The following OR2G6 variants were observed in gnomAD, a reference collection of about 807,000 sequenced individuals.
OR2G6 encodes olfactory receptor family 2 subfamily G member 6, also known as olfactory receptor 2G6.
For missense variants in OR2G6, 457 were observed against 391.3 expected, an observed-to-expected ratio of 1.17 and a Z score of -1.42; for synonymous variants, 183 against 155.2, an observed-to-expected ratio of 1.18 and a Z score of -1.33.
chr1:248,522,387 G>A lies in OR2G6; in HGVS notation c.741G>A (p.Val247=). ...AFGTCSSHLV[V]VIIFYGTIIF... ...GGACCTGTTCGTCTCACCTGGTTGT[G>A]GTCATCATTTTCTATGGGACCATCA... Residue 247 remains valine, a synonymous_variant, in exon 2 of 2, where the codon GTG becomes GTA. Coordinates refer to ENST00000641804, the MANE Select transcript of OR2G6 (RefSeq NM_001013355.2). 6.2e-7 allele frequency: 1 copy of A among 1,614,100 alleles called. No homozygotes were observed. The highest frequency in any genetic ancestry group is 8.5e-7 in the Non-Finnish European group (1 of 1,179,994).
Position 248,522,213 on chromosome 1 carries a change from T to C in OR2G6, c.567T>C (p.Cys189=). 1 of 1,614,192 alleles carries C rather than the reference T, an allele frequency of 6.2e-7. No individual in the cohort carries two copies. The highest frequency in any genetic ancestry group is 8.5e-7 in the Non-Finnish European group (1 of 1,180,036). Residue 189 remains cysteine (C), a synonymous_variant, in exon 2 of 2, where the codon TGT becomes TGC. Transcript: ENST00000641804. ...TGCCAGTGCTCATCAAACTGGCCTG[T>C]GTGGATACGACTTTCAACGAGGCAG... ...CEVPVLIKLA[C]VDTTFNEAEL...
In OR2G6 at chr1:248,523,321, G is replaced by A. The variant is rs2103062797; in HGVS notation, c.*724G>A. On this transcript the variant is annotated 3_prime_UTR_variant, in exon 2 of 2. Transcript: ENST00000641804. ...AGAGTTGTGATGCTTTGGTTCCACA[G>A]AATTGTGGGATGCAAATAATGACTA... is the stretch of plus-strand genomic sequence containing the variant. The A allele has an allele frequency of 6.6e-6, 1 of 152,162 alleles. No homozygotes were observed. Among genetic ancestry groups the A allele is most frequent in the South Asian group, 2.1e-4 (1 of 4,822 alleles). 9.4% of individuals were successfully genotyped at this position (152,162 alleles called of 1,614,324 possible). A position where few individuals can be genotyped will look rare whatever the true frequency, so the allele number is the denominator to read the frequency against.
chr1:248,520,791 C>G (rs1664265501), intron 1 of OR2G6, among the ~76,000 whole-genome samples: 1 of 151,330 alleles, frequency 6.6e-6, no homozygotes. Flanking sequence ...GTTAGGTCAC[C>G]TGAGGTCAGG....
In OR2G6 at chr1:248,522,875, A is replaced by G. The variant is rs1212765258; in HGVS notation, c.*278A>G. On this transcript the variant is annotated 3_prime_UTR_variant, in exon 2 of 2. Coordinates refer to ENST00000641804, the MANE Select transcript of OR2G6 (RefSeq NM_001013355.2). ...CATCCTCCCAGACATTCCTCTTGTC[A>G]ATCCAAGACCCTGTGTTCTATCTGG... 6 of 375,410 alleles carry G rather than the reference A, an allele frequency of 1.6e-5. No individual in the cohort carries two copies. Among genetic ancestry groups the G allele is most frequent in the Middle Eastern group, 1.4e-3 (2 of 1,442 alleles). The allele number at this position is 375,410 out of a possible 1,614,324, so 23.3% of individuals were successfully genotyped here. A position where few individuals can be genotyped will look rare whatever the true frequency, so the allele number is the denominator to read the frequency against.
rs1461019420 is a variant in OR2G6 at position 248,524,923 on chromosome 1, ACTT to A, written c.*2327_*2329del. The A allele has an allele frequency of 1.3e-5, 2 of 152,186 alleles. No homozygotes were observed. Among genetic ancestry groups the A allele is most frequent in the African/African-American group, 2.4e-5 (1 of 41,452 alleles). The allele number at this position is 152,186 out of a possible 1,614,324, so 9.4% of individuals were successfully genotyped here. On this transcript the variant is annotated 3_prime_UTR_variant, in exon 2 of 2. Transcript: ENST00000641804. The stretch of plus-strand genomic sequence containing the variant: ...ATAGGCAAAGCAACCTAAAAAAACT[ACTT>A]AACTGCAGATGAAAATGGGAACACA...
intron 1 of OR2G6, among the ~76,000 whole-genome samples, chr1:248,519,291 G>T (rs1340009492): frequency 7.8e-6 from 1 of 128,778 alleles, no homozygotes; most frequent in African/African-American, 3.0e-5. Context: ...TAGCTTGCCT[G>T]TTCACTATGA....
At position 248,525,876 on chromosome 1, in the gene OR2G6, G is replaced by A. The variant is rs1443917003; in HGVS notation, c.*3279G>A. Reference sequence around the variant, plus strand: ...TAAAAAAAATACAAAAAATTAGCCAGGCACAGTGGTGCATGCCTATAATCC... The same window carrying A: ...TAAAAAAAATACAAAAAATTAGCCAAGCACAGTGGTGCATGCCTATAATCC... On this transcript the variant is annotated 3_prime_UTR_variant, in exon 2 of 2. Transcript: ENST00000641804. The A allele has an allele frequency of 6.6e-6, 1 of 152,042 alleles. No homozygotes were observed. Among genetic ancestry groups the A allele is most frequent in the Admixed American group, 6.6e-5 (1 of 15,236 alleles). The allele number at this position is 152,042 out of a possible 1,614,324, so 9.4% of individuals were successfully genotyped here.
chr1:248,523,079 G>T lies in OR2G6; in HGVS notation c.*482G>T. ...TTCTCATCCTTGTGCAGAATTAACT[G>T]TTTCATAATATGTTTCCATAGCACT... On this transcript the variant is annotated 3_prime_UTR_variant, in exon 2 of 2. Coordinates refer to ENST00000641804, the MANE Select transcript of OR2G6 (RefSeq NM_001013355.2). The T allele has an allele frequency of 6.3e-6, 1 of 157,840 alleles. No homozygotes were observed. The highest frequency in any genetic ancestry group is 1.4e-5 in the Non-Finnish European group (1 of 71,724). The allele number at this position is 157,840 out of a possible 1,614,324, so 9.8% of individuals were successfully genotyped here. A position where few individuals can be genotyped will look rare whatever the true frequency, so the allele number is the denominator to read the frequency against.
rs1341004068 is a variant in OR2G6 at position 248,523,652 on chromosome 1, A to C, written c.*1055A>C. On this transcript the variant is annotated 3_prime_UTR_variant, in exon 2 of 2. Transcript: ENST00000641804. Reference sequence around the variant, plus strand: ...TAAATGTATTCTTATATTTGACCAAACTTTTACTTTCTGATTTAATTCTGT... The same window carrying C: ...TAAATGTATTCTTATATTTGACCAACCTTTTACTTTCTGATTTAATTCTGT... 1 of 140,556 alleles carries C rather than the reference A, an allele frequency of 7.1e-6. No individual in the cohort carries two copies. The highest frequency in any genetic ancestry group is 1.5e-5 in the Non-Finnish European group (1 of 65,022). 8.7% of individuals were successfully genotyped at this position (140,556 alleles called of 1,614,324 possible). A position where few individuals can be genotyped will look rare whatever the true frequency, so the allele number is the denominator to read the frequency against.
In OR2G6 at chr1:248,522,755, T is replaced by G. The variant is rs72478210; in HGVS notation, c.*158T>G. The stretch of plus-strand genomic sequence containing the variant: ...CTCAAGGCAGCGTGAGGATTCATCC[T>G]CCCCAGACATTCCTCTTGTCAATCC... On this transcript the variant is annotated 3_prime_UTR_variant, in exon 2 of 2. Transcript: ENST00000641804. The G allele has an allele frequency of 1.7e-4, 99 of 587,164 alleles. No individual in the cohort carries two copies. In the East Asian group the frequency reaches 2.7e-3, roughly 16 times the overall value. The allele number at this position is 587,164 out of a possible 1,614,324, so 36.4% of individuals were successfully genotyped here.
In OR2G6 at chr1:248,521,988, C is replaced by A. The variant is rs372849263; in HGVS notation, c.342C>A (p.Leu114=). ...AMGLGSSECI[L]LAVMAYDRYA... ...GGTTGGGCTCGTCTGAGTGTATTCT[C>A]TTGGCCGTCATGGCTTATGACCGCT... Residue 114 remains leucine, a synonymous_variant, in exon 2 of 2, where the codon CTC becomes CTA. Transcript: ENST00000641804. 161 of 1,614,040 alleles carry A rather than the reference C, an allele frequency of 1.0e-4. No homozygotes were observed. The highest frequency in any genetic ancestry group is 1.3e-4 in the Non-Finnish European group (148 of 1,180,018).
At chr1:248,520,387 C>T (rs1049009184) in intron 1 of OR2G6, among the ~76,000 whole-genome samples, 15 of 152,108 alleles carry the variant, frequency 9.9e-5, no homozygotes, top group South Asian at 6.2e-4. Context: ...GTAACGTGCA[C>T]GTTCTGCACA....
At chr1:248,521,040 T>TTA (rs1448875638) in intron 1 of OR2G6, among the ~76,000 whole-genome samples, 8 of 83,944 alleles carry the variant, frequency 9.5e-5, no homozygotes, top group African/African-American at 1.8e-4. Context: ...AGATTCCATC[T>TTA]AAAAAAAAAA....
At chr1:248,521,040 T>TAA (rs56891856) in intron 1 of OR2G6, among the ~76,000 whole-genome samples, 1,933 of 83,852 alleles carry the variant, frequency 0.023, 86 homozygotes, top group African/African-American at 0.051. Context: ...AGATTCCATC[T>TAA]AAAAAAAAAA....
Position 248,522,346 on chromosome 1 carries a change from C to T in OR2G6, c.700C>T (p.Arg234Cys), listed in dbSNP as rs148015416. ...GTTAAGGATAAAATCAGCTGCGGGC[C>T]GCCAAAAGGCCTTTGGGACCTGTTC... ...AVLRIKSAAGRQKAFGTCSSH... is the reference protein window; with the variant it reads ...AVLRIKSAAGCQKAFGTCSSH... Residue 234 changes from arginine to cysteine, a missense_variant, in exon 2 of 2, where the codon CGC becomes TGC. Arg to Cys is a radical substitution (Grantham distance 180). Coordinates refer to ENST00000641804, the MANE Select transcript of OR2G6 (RefSeq NM_001013355.2). The T allele has an allele frequency of 6.2e-6, 10 of 1,614,006 alleles. No homozygotes were observed. The highest frequency in any genetic ancestry group is 1.7e-5 in the Admixed American group (1 of 59,988).
rs1659131483 is a variant in OR2G6 at position 248,526,735 on chromosome 1, T to A, written c.*4138T>A. 6.6e-6 allele frequency: 1 copy of A among 152,240 alleles called. No homozygotes were observed. Among genetic ancestry groups the A allele is most frequent in the Non-Finnish European group, 1.5e-5 (1 of 68,046 alleles). The allele number at this position is 152,240 out of a possible 1,614,324, so 9.4% of individuals were successfully genotyped here. A position where few individuals can be genotyped will look rare whatever the true frequency, so the allele number is the denominator to read the frequency against. ...ATCTCATTGTGGTTTTGATTTGCAT[T>A]TCTCTGATGGCCAGTGATAATGAGC... On this transcript the variant is annotated 3_prime_UTR_variant, in exon 2 of 2. Coordinates refer to ENST00000641804, the MANE Select transcript of OR2G6 (RefSeq NM_001013355.2).
At position 248,526,651 on chromosome 1, in the gene OR2G6, A is replaced by G. The variant is rs1015231967; in HGVS notation, c.*4054A>G. 6.6e-6 allele frequency: 1 copy of G among 152,200 alleles called. No individual in the cohort carries two copies. Among genetic ancestry groups the G allele is most frequent in the Non-Finnish European group, 1.5e-5 (1 of 68,024 alleles). The allele number at this position is 152,200 out of a possible 1,614,324, so 9.4% of individuals were successfully genotyped here. ...ATATGCCCAGAGCTCTCTGTTCACC[A>G]TAACCTGATCTCAGTAGTAACTATT... is the stretch of plus-strand genomic sequence containing the variant. On this transcript the variant is annotated 3_prime_UTR_variant, in exon 2 of 2. Transcript: ENST00000641804.
rs1390863710 is a variant in OR2G6 at position 248,523,717 on chromosome 1, T to G, written c.*1120T>G. ...GTATCTTTGTGTGTCTCAGCCTCTT[T>G]CTTGCTTTCTTTTCCCAAAACGATT... On this transcript the variant is annotated 3_prime_UTR_variant, in exon 2 of 2. Transcript: ENST00000641804. 1.3e-5 allele frequency: 2 copies of G among 152,236 alleles called. No individual in the cohort carries two copies. Among genetic ancestry groups the G allele is most frequent in the Non-Finnish European group, 2.9e-5 (2 of 68,034 alleles). 9.4% of individuals were successfully genotyped at this position (152,236 alleles called of 1,614,324 possible). A position where few individuals can be genotyped will look rare whatever the true frequency, so the allele number is the denominator to read the frequency against.
In OR2G6 at chr1:248,526,108, T is replaced by G. The variant is rs1664389747; in HGVS notation, c.*3511T>G. 6.6e-6 allele frequency: 1 copy of G among 151,118 alleles called. No individual in the cohort carries two copies. Among genetic ancestry groups the G allele is most frequent in the Non-Finnish European group, 1.5e-5 (1 of 67,786 alleles). The allele number at this position is 151,118 out of a possible 1,614,324, so 9.4% of individuals were successfully genotyped here. ...GGGAAAATAAAAGTACCAAGAAAAA[T>G]AAACAAGGGTCTTATAATAAAAGCA... On this transcript the variant is annotated 3_prime_UTR_variant, in exon 2 of 2. Transcript: ENST00000641804.
Sources: allele counts gnomAD v4.1 joint callset (sites outside exome capture counted in the v4.1 genomes callset), GRCh38; gene constraint gnomAD v4.1.1; transcripts MANE v1.5; gene names NCBI Gene and HGNC (gene_info 2026-07-23, HGNC 2026-07-21).